The following MED12L variants were observed in gnomAD, a reference collection of about 807,000 sequenced individuals.
The protein encoded by MED12L is mediator complex subunit 12L, also known as mediator of RNA polymerase II transcription subunit 12-like protein.
MED12L carries 60 observed loss-of-function variants against 281.3 expected under a neutral mutation model. That is an observed-to-expected ratio of 0.21 (90% confidence interval 0.17 to 0.26). The LOEUF is 0.26. MED12L is among the 10% of genes least tolerant of loss of function. The pLI, the probability that MED12L is intolerant of heterozygous loss-of-function variation, is 1.00. For missense variants in MED12L, 2,146 were observed against 2,680.9 expected (o/e 0.80, Z 4.41); for synonymous variants, 974 against 987.2 (o/e 0.99, Z 0.25).
chr3:151,154,404 A>G (rs961747308), intron 5 of MED12L, among the ~76,000 whole-genome samples: 1 of 152,202 alleles, frequency 6.6e-6, no homozygotes, highest in Non-Finnish European at 1.5e-5. Context: ...GGAAAGATAT[A>G]TATGAAAATA....
Position 151,367,707 on chromosome 3 carries a change from A to G in MED12L, c.3389A>G (p.Gln1130Arg), listed in dbSNP as rs377718090. The G allele has an allele frequency of 6.2e-7, 1 of 1,611,916 alleles. No homozygotes were observed. Among genetic ancestry groups the G allele is most frequent in the South Asian group, 1.1e-5 (1 of 90,874 alleles). ...ATFIAILIAR[Q>R]CFSLEDVVQH... Reference sequence around the variant, plus strand: ...TTCATTGCTATTCTGATAGCACGACAGTGTTTTTCCCTGGAGGACGTCGTG... The same window carrying G: ...TTCATTGCTATTCTGATAGCACGACGGTGTTTTTCCCTGGAGGACGTCGTG... Residue 1130 changes from glutamine to arginine, a missense_variant, in exon 24 of 45, where the codon CAG becomes CGG. Gln to Arg is a conservative substitution (Grantham distance 43, BLOSUM62 1). Transcript: ENST00000687756.
At chr3:151,189,211 A>T (rs1378609933) in intron 13 of MED12L, among the ~76,000 whole-genome samples, 2 of 152,164 alleles carry the variant, frequency 1.3e-5, no homozygotes, top group Non-Finnish European at 2.9e-5. Context: ...GCAACAACAA[A>T]CAGTACTCTT....
intron 2 of MED12L, among the ~76,000 whole-genome samples, chr3:151,113,579 A>G (rs1307389589): frequency 6.6e-6 from 1 of 152,248 alleles, no homozygotes; most frequent in Admixed American, 6.5e-5. Context: ...TTGCGTAAGC[A>G]TGAGATGATG....
intron 16 of MED12L, chr3:151,336,435 G>A: frequency 2.2e-6 from 1 of 447,314 alleles, no homozygotes; most frequent in Non-Finnish European, 4.5e-6. Context: ...TTCAATAAAA[G>A]TGATTATTAT....
intron 16 of MED12L, among the ~76,000 whole-genome samples, chr3:151,258,325 CTTG>C (rs1474437441): frequency 6.6e-6 from 1 of 152,098 alleles, no homozygotes; most frequent in Non-Finnish European, 1.5e-5. Flanking sequence ...TGTTTGTTGT[CTTG>C]TTGCTGACAA....
At chr3:151,380,986 A>T (rs1712228258) in intron 32 of MED12L, among the ~76,000 whole-genome samples, 1 of 152,216 alleles carries the variant, frequency 6.6e-6, no homozygotes, top group Non-Finnish European at 1.5e-5. Flanking sequence ...ATCAGAAGGC[A>T]TGTTGGTTTA....
rs1268024824 is a variant in MED12L, at chr3:151,369,535, C to T, written c.3650C>T (p.Ala1217Val). ...EVGAVFAVLK[A>V]IMMLGDAKIG... Reference sequence around the variant, plus strand: ...GGAGCCGTGTTTGCTGTCTTAAAAGCAATTATGATGCTTGGTAAGATTATT... The same window carrying T: ...GGAGCCGTGTTTGCTGTCTTAAAAGTAATTATGATGCTTGGTAAGATTATT... The change falls in exon 26 of 45, where the codon GCA becomes GTA. Residue 1217 changes from alanine to valine, a missense_variant. Ala to Val is a moderately conservative substitution (Grantham distance 64). Around this residue, in one of 9 missense-constraint regions of MED12L, gnomAD observed 404 missense variants for 603.5 expected, o/e 0.67. Coordinates refer to ENST00000687756, the MANE Select transcript of MED12L (RefSeq NM_001393769.1). 1 of 1,605,854 alleles carries T rather than the reference C, an allele frequency of 6.2e-7. No individual in the cohort carries two copies. The highest frequency in any genetic ancestry group is 1.3e-5 in the African/African-American group (1 of 74,694).
chr3:151,125,079 A>G (rs1169250478), intron 4 of MED12L, among the ~76,000 whole-genome samples: 1 of 152,228 alleles, frequency 6.6e-6, no homozygotes, highest in East Asian at 1.9e-4. Context: ...ATTTAGAACC[A>G]GACAACTGCC....
intron 16 of MED12L, among the ~76,000 whole-genome samples, chr3:151,217,966 A>T (rs376520046): frequency 2.4e-4 from 37 of 152,282 alleles, no homozygotes; most frequent in South Asian, 1.2e-3. Flanking sequence ...AAAAGGCAGG[A>T]ATATGTGTTG....
intron 16 of MED12L, among the ~76,000 whole-genome samples, chr3:151,197,108 G>A (rs531551632): frequency 6.6e-6 from 1 of 152,106 alleles, no homozygotes; most frequent in Non-Finnish European, 1.5e-5. Flanking sequence ...GAGAGAATTT[G>A]ATCAGAGTTG....
chr3:151,247,717 T>A, intron 16 of MED12L, among the ~76,000 whole-genome samples: 1 of 146,014 alleles, frequency 6.8e-6, no homozygotes, highest in African/African-American at 2.5e-5. Flanking sequence ...CATATGTAAC[T>A]AACCTGCACA....
At chr3:151,372,267 A>G (rs578225873) in intron 26 of MED12L, among the ~76,000 whole-genome samples, 6 of 152,214 alleles carry the variant, frequency 3.9e-5, no homozygotes, top group Non-Finnish European at 7.3e-5. Flanking sequence ...GGTGAAACCA[A>G]TGTTCTCTGA....
rs543907507 is a variant in MED12L at position 151,404,920 on chromosome 3, G to T, written c.5821-4323G>T. ...TTCACATTTTCTCATTTGATTGAGG[G>T]TGTAGTTGCTAATACAGATCAGATT... On this transcript the variant is annotated intron_variant, in intron 39 of 44. Coordinates refer to ENST00000687756, the MANE Select transcript of MED12L (RefSeq NM_001393769.1). 1.1e-3 allele frequency among the ~76,000 whole-genome samples: 165 copies of T among 152,290 alleles called. 1 individual carries two copies. Among genetic ancestry groups the T allele is most frequent in the Admixed American group, 1.9e-3 (29 of 15,290 alleles).
chr3:151,126,456 T>C (rs1440976468), intron 4 of MED12L, among the ~76,000 whole-genome samples: 2 of 152,138 alleles, frequency 1.3e-5, no homozygotes, highest in Non-Finnish European at 2.9e-5. Context: ...AAGGGCCACA[T>C]ACTAAAAGAA....
intron 16 of MED12L, chr3:151,212,893 G>A (rs1202615689): frequency 6.5e-6 from 1 of 152,708 alleles, no homozygotes; most frequent in Non-Finnish European, 1.5e-5. Context: ...GGACAGTGTT[G>A]AAAACAATTA....
intron 11 of MED12L, among the ~76,000 whole-genome samples, chr3:151,181,960 A>G (rs1440105177): frequency 2.6e-5 from 4 of 152,178 alleles, no homozygotes; most frequent in East Asian, 3.8e-4. Flanking sequence ...TGACCTTGCA[A>G]TAATAACTCA....
intron 17 of MED12L, among the ~76,000 whole-genome samples, chr3:151,353,842 A>G (rs1753551163): frequency 1.3e-5 from 2 of 152,160 alleles, no homozygotes; most frequent in Admixed American, 1.3e-4. Context: ...GCCTTTAACT[A>G]CTTAGAATCA....
intron 16 of MED12L, among the ~76,000 whole-genome samples, chr3:151,217,971 G>T (rs1182498682): frequency 6.6e-6 from 1 of 152,094 alleles, no homozygotes; most frequent in Non-Finnish European, 1.5e-5. Flanking sequence ...GCAGGAATAT[G>T]TGTTGGATGA....
At chr3:151,294,118 A>C (rs1411043964) in intron 16 of MED12L, 11 of 1,109,314 alleles carry the variant, frequency 9.9e-6, no homozygotes, top group Non-Finnish European at 1.4e-5. Context: ...TAATGAAAAG[A>C]AACATTTATT....
Sources: gnomAD v4.1 joint callset for allele counts (sites outside exome capture counted in the v4.1 genomes callset) on GRCh38, gnomAD v4.1.1 for gene constraint, gnomAD v4.1.1 regional missense constraint, MANE v1.5 for transcripts, NCBI Gene and HGNC (gene_info 2026-07-23, HGNC 2026-07-21) for gene names.